The following DIAPH3 variants were observed in gnomAD, a reference collection of about 807,000 sequenced individuals.
DIAPH3 encodes the protein protein diaphanous homolog 3.
In DIAPH3, 117 loss-of-function variants were observed where a neutral mutation model predicts 144.3. The observed-to-expected ratio is 0.81, with a 90% CI of 0.70 to 0.95. The LOEUF is 0.95. DIAPH3 is among the 40% of genes least tolerant of loss of function. The probability of loss-of-function intolerance (pLI) is 0.00; values close to 1 mark genes in which losing one functional copy is unlikely to be tolerated. For missense variants in DIAPH3, 1,421 were observed against 1,412.7 expected (o/e 1.01, Z -0.09); for synonymous variants, 519 against 488.9 (o/e 1.06, Z -0.81).
At chr13:59,928,725 A>C (rs2047873464) in intron 17 of DIAPH3, among the ~76,000 whole-genome samples, 1 of 152,122 alleles carries the variant, frequency 6.6e-6, no homozygotes, top group Non-Finnish European at 1.5e-5. Flanking sequence ...CATAGTGATG[A>C]AGATGAAGAG....
At chr13:59,970,801 A>C (rs1479848496) in intron 16 of DIAPH3, 51 bp downstream of exon 16, 9 of 1,514,648 alleles carry the variant, frequency 5.9e-6, no homozygotes, top group Non-Finnish European at 8.1e-6. Flanking sequence ...ATAAATCCAA[A>C]ATTAGATTTA....
At chr13:59,971,998 T>C (rs952445560) in intron 15 of DIAPH3, among the ~76,000 whole-genome samples, 1 of 152,220 alleles carries the variant, frequency 6.6e-6, no homozygotes, top group Non-Finnish European at 1.5e-5. Context: ...AGTGAGAATT[T>C]ATTTAAGGAA....
chr13:59,991,937 A>C (rs72626800), intron 11 of DIAPH3, 131 bp downstream of exon 11: 1 of 736,692 alleles, frequency 1.4e-6, no homozygotes, highest in Non-Finnish European at 2.4e-6. Context: ...AAATAATAAC[A>C]TTCTTCTGAT....
intron 22 of DIAPH3, among the ~76,000 whole-genome samples, chr13:59,859,276 C>T (rs1861185806): frequency 6.6e-6 from 1 of 152,076 alleles, no homozygotes; most frequent in African/African-American, 2.4e-5. Context: ...TACACAGACA[C>T]TAGACTCCAC....
Position 59,804,177 on chromosome 13 carries a change from C to T in DIAPH3, c.3163+6611G>A, listed in dbSNP as rs143027858. ...GAATCCCTCCTTTGACTGTGACAATCGCCCCAGAAGTTCCAAACACAAAGG... is the reference window on the plus strand; with the variant it reads ...GAATCCCTCCTTTGACTGTGACAATTGCCCCAGAAGTTCCAAACACAAAGG... On this transcript the variant is annotated intron_variant, in intron 25 of 27. Coordinates refer to ENST00000400324, the MANE Select transcript of DIAPH3 (RefSeq NM_001042517.2). Among the ~76,000 whole-genome samples, 22 of 152,282 alleles carry T rather than the reference C, an allele frequency of 1.4e-4. No homozygotes were observed. In the East Asian group the frequency reaches 2.5e-3, roughly 17 times the overall value.
chr13:59,829,168 C>G (rs942104162), intron 24 of DIAPH3, among the ~76,000 whole-genome samples: 4 of 151,856 alleles, frequency 2.6e-5, no homozygotes, highest in Non-Finnish European at 4.4e-5. Flanking sequence ...AAAGGTATAG[C>G]AAAAAGCTTT....
chr13:60,136,860 A>G (rs996661839), intron 1 of DIAPH3, among the ~76,000 whole-genome samples: 4 of 152,142 alleles, frequency 2.6e-5, no homozygotes, highest in Admixed American at 2.6e-4. Flanking sequence ...GAATGGCGTG[A>G]ACCCGGGAGG....
At chr13:59,710,003 C>T (rs575743845) in intron 27 of DIAPH3, among the ~76,000 whole-genome samples, 21 of 151,888 alleles carry the variant, frequency 1.4e-4, no homozygotes, top group African/African-American at 2.9e-4. Context: ...GAACAAAAAA[C>T]GAAACACTGC....
chr13:59,925,104 A>G (rs933218975), intron 17 of DIAPH3, among the ~76,000 whole-genome samples: 2 of 152,154 alleles, frequency 1.3e-5, no homozygotes, highest in African/African-American at 4.8e-5. Flanking sequence ...TCTAACAGGA[A>G]AAACAAAAAT....
At chr13:59,947,187 T>C (rs906659897) in intron 17 of DIAPH3, among the ~76,000 whole-genome samples, 2 of 152,172 alleles carry the variant, frequency 1.3e-5, no homozygotes, top group Admixed American at 6.5e-5. Flanking sequence ...TCGCTGATAA[T>C]TGTTCTAGAC....
intron 27 of DIAPH3, among the ~76,000 whole-genome samples, chr13:59,700,987 A>AT (rs1284739114): frequency 6.6e-6 from 1 of 152,074 alleles, no homozygotes; most frequent in African/African-American, 2.4e-5. Flanking sequence ...AAGGATATTC[A>AT]TTTTTTATTT....
intron 2 of DIAPH3, among the ~76,000 whole-genome samples, chr13:60,123,568 C>CCATTTAG (rs1566797779): frequency 6.6e-6 from 1 of 152,150 alleles, no homozygotes; most frequent in Admixed American, 6.5e-5. Flanking sequence ...TCCTAATTAA[C>CCATTTAG]TCATTAATGG....
intron 27 of DIAPH3, among the ~76,000 whole-genome samples, chr13:59,707,730 T>A (rs2034507526): frequency 6.6e-6 from 1 of 152,168 alleles, no homozygotes; most frequent in African/African-American, 2.4e-5. Flanking sequence ...CAAGAACTTC[T>A]ACAAACTCCC....
chr13:60,005,763 G>A (rs2052829263), intron 9 of DIAPH3, among the ~76,000 whole-genome samples: 1 of 152,132 alleles, frequency 6.6e-6, no homozygotes, highest in Non-Finnish European at 1.5e-5. Context: ...TTACAGGCAT[G>A]AGCCACCACA....
At position 60,055,383 on chromosome 13, in the gene DIAPH3, T is replaced by C. The variant is rs1011198600; in HGVS notation, c.496-12563A>G. Among the ~76,000 whole-genome samples the C allele has an allele frequency of 2.6e-5, 4 of 151,776 alleles. No homozygotes were observed. In the South Asian group the frequency reaches 8.3e-4, roughly 32 times the overall value. On this transcript the variant is annotated intron_variant, in intron 4 of 27. Transcript: ENST00000400324. Reference sequence around the variant, plus strand: ...TGGCCCAGTGCCTTCAATAAGAGAGTTGATTATTTAGACTATTTTACATAT... The same window carrying C: ...TGGCCCAGTGCCTTCAATAAGAGAGCTGATTATTTAGACTATTTTACATAT...
chr13:59,817,632 TTTA>T (rs2040845328), intron 24 of DIAPH3, among the ~76,000 whole-genome samples: 1 of 151,898 alleles, frequency 6.6e-6, no homozygotes, highest in Admixed American at 6.6e-5. Context: ...CTTTAAAAAA[TTTA>T]TTGTGATTTA....
intron 22 of DIAPH3, among the ~76,000 whole-genome samples, chr13:59,852,450 G>T (rs986422055): frequency 2.6e-5 from 4 of 152,180 alleles, no homozygotes; most frequent in African/African-American, 9.7e-5. Context: ...TTGAAGAGTT[G>T]CTGGAGACCA....
At chr13:60,135,996 T>C (rs1263953326) in intron 1 of DIAPH3, among the ~76,000 whole-genome samples, 1 of 152,212 alleles carries the variant, frequency 6.6e-6, no homozygotes, top group Non-Finnish European at 1.5e-5. Flanking sequence ...AAGTTTATCA[T>C]TGAAAGTTTA....
chr13:59,991,454 C>T (rs1192699182), intron 11 of DIAPH3, among the ~76,000 whole-genome samples, 180 bp from the exon 12 acceptor site: 1 of 151,924 alleles, frequency 6.6e-6, no homozygotes, highest in Admixed American at 6.6e-5. Context: ...GGTGACTTAA[C>T]CTGACACTTC....
Sources: gnomAD v4.1 joint callset for allele counts (sites outside exome capture counted in the v4.1 genomes callset) on GRCh38, gnomAD v4.1.1 for gene constraint, MANE v1.5 for transcripts, NCBI Gene and HGNC (gene_info 2026-07-23, HGNC 2026-07-21) for gene names.